The following OPCML variants were observed in gnomAD, a reference collection of about 807,000 sequenced individuals.
OPCML encodes the protein opioid-binding protein/cell adhesion molecule.
Under a neutral mutation model 37.8 loss-of-function variants are expected in OPCML, and 13 were observed. The observed-to-expected ratio is 0.34, with a 90% CI of 0.22 to 0.55. The LOEUF (loss-of-function observed/expected upper bound fraction) is 0.55, where lower values mean the gene tolerates loss of function less well. Ranked by LOEUF, OPCML falls within the 20% of genes least tolerant of loss-of-function variation. The pLI is 0.91. For synonymous variants in OPCML, 176 were observed against 168.8 expected, an observed-to-expected ratio of 1.04 and a Z score of -0.33; for missense variants, 341 against 435.6, an observed-to-expected ratio of 0.78 and a Z score of 1.93.
At chr11:133,483,012 A>T (rs1475439065) in intron 1 of OPCML, among the ~76,000 whole-genome samples, 1 of 152,180 alleles carries the variant, frequency 6.6e-6, no homozygotes, top group Non-Finnish European at 1.5e-5. Flanking sequence ...GTGTCTAAAA[A>T]CTGATATGGC....
chr11:132,936,439 A>C (rs1179545154), intron 2 of OPCML, among the ~76,000 whole-genome samples: 1 of 152,186 alleles, frequency 6.6e-6, no homozygotes, highest in African/African-American at 2.4e-5. Context: ...TGAAAATTAC[A>C]TGACATGTTA....
intron 1 of OPCML, among the ~76,000 whole-genome samples, chr11:133,441,121 A>C (rs1946357706): frequency 1.3e-5 from 2 of 151,960 alleles, no homozygotes; most frequent in Non-Finnish European, 2.9e-5. Context: ...TTATTATCTT[A>C]TATGTTAGCA....
intron 3 of OPCML, among the ~76,000 whole-genome samples, chr11:132,650,429 C>T (rs1437866116): frequency 1.3e-5 from 2 of 152,178 alleles, no homozygotes; most frequent in African/African-American, 4.8e-5. Flanking sequence ...ACTTTCATAT[C>T]ATCAGTTCAA....
chr11:132,457,321 A>T (rs1291353085), intron 4 of OPCML, among the ~76,000 whole-genome samples: 1 of 152,160 alleles, frequency 6.6e-6, no homozygotes, highest in Non-Finnish European at 1.5e-5. Flanking sequence ...CCAATAACAC[A>T]AGTGGTGAGA....
At chr11:133,377,838 A>G (rs1944848261) in intron 1 of OPCML, among the ~76,000 whole-genome samples, 1 of 152,098 alleles carries the variant, frequency 6.6e-6, no homozygotes, top group South Asian at 2.1e-4. Flanking sequence ...AGATGAATAG[A>G]GAGGGAGAGA....
chr11:132,846,934 C>T (rs1224830185), intron 2 of OPCML, among the ~76,000 whole-genome samples: 1 of 152,050 alleles, frequency 6.6e-6, no homozygotes, highest in Non-Finnish European at 1.5e-5. Flanking sequence ...ATATAAGGTC[C>T]CCCCAGTGGA....
intron 1 of OPCML, among the ~76,000 whole-genome samples, chr11:133,290,496 G>A (rs1386287050): frequency 6.6e-6 from 1 of 152,182 alleles, no homozygotes; most frequent in Non-Finnish European, 1.5e-5. Flanking sequence ...GTTGGGGGAT[G>A]GGATGTGATA....
intron 1 of OPCML, chr11:133,003,764 T>G (rs1348204764): frequency 8.1e-6 from 8 of 985,334 alleles, no homozygotes; most frequent in Non-Finnish European, 9.6e-6. Context: ...GGCTGAATTC[T>G]GAGCAGTGGA....
At chr11:132,923,339 C>G (rs1944877083) in intron 2 of OPCML, among the ~76,000 whole-genome samples, 1 of 152,120 alleles carries the variant, frequency 6.6e-6, no homozygotes, top group South Asian at 2.1e-4. Flanking sequence ...ATATCTGAGA[C>G]TGGGTACGGG....
chr11:133,108,702 A>G (rs909803086), intron 1 of OPCML, among the ~76,000 whole-genome samples: 1 of 152,090 alleles, frequency 6.6e-6, no homozygotes, highest in Non-Finnish European at 1.5e-5. Context: ...CTGCAAGTAT[A>G]CCACACTTGC....
chr11:132,617,844 C>A (rs1372903160), intron 3 of OPCML, among the ~76,000 whole-genome samples: 3 of 152,224 alleles, frequency 2.0e-5, no homozygotes, highest in Non-Finnish European at 2.9e-5. Flanking sequence ...AGGCCCTAAC[C>A]TTATGAACCC....
intron 2 of OPCML, among the ~76,000 whole-genome samples, chr11:132,777,217 T>C (rs75375033): frequency 0.011 from 1,612 of 152,294 alleles, 13 homozygotes; most frequent in Middle Eastern, 0.034. Context: ...AAGAGCCCCA[T>C]CCAACTTACT....
intron 3 of OPCML, among the ~76,000 whole-genome samples, chr11:132,586,163 AACAGCT>A (rs2096472174): frequency 6.6e-6 from 1 of 152,134 alleles, no homozygotes; most frequent in African/African-American, 2.4e-5. Context: ...TTTGCCTATT[AACAGCT>A]ACCATAGTCG....
At chr11:132,715,287 T>A (rs12290696) in intron 2 of OPCML, among the ~76,000 whole-genome samples, 4,451 of 152,352 alleles carry the variant, frequency 0.029, 88 homozygotes, top group Non-Finnish European at 0.045. Flanking sequence ...GTACCAAGTG[T>A]CATATTAAAT....
At chr11:133,507,964 T>A (rs895242485) in intron 1 of OPCML, among the ~76,000 whole-genome samples, 1 of 148,226 alleles carries the variant, frequency 6.7e-6, no homozygotes, top group Non-Finnish European at 1.5e-5. Flanking sequence ...AAAAAAAAAA[T>A]CTCAAATGAC....
At chr11:132,868,221 GA>G (rs1942648851) in intron 2 of OPCML, among the ~76,000 whole-genome samples, 1 of 149,218 alleles carries the variant, frequency 6.7e-6, no homozygotes, top group African/African-American at 2.5e-5. Context: ...GTCAAAAATA[GA>G]AATGATGAGA....
rs1170085707 is a variant in OPCML at position 132,486,879 on chromosome 11, T to C, written c.505+42182A>G. Among the ~76,000 whole-genome samples, 10 of 152,322 alleles carry C rather than the reference T, an allele frequency of 6.6e-5. No individual in the cohort carries two copies. In the South Asian group the frequency reaches 1.7e-3, roughly 25 times the overall value. On this transcript the variant is annotated intron_variant, in intron 4 of 7. Transcript: ENST00000524381. ...TTTGAAGCAATTAAAATTTGGGTGGTAACTCATTCTTTTCTTATTTACAAC... is the reference window on the plus strand; with the variant it reads ...TTTGAAGCAATTAAAATTTGGGTGGCAACTCATTCTTTTCTTATTTACAAC...
At chr11:133,289,401 C>T (rs1269899047) in intron 1 of OPCML, among the ~76,000 whole-genome samples, 6 of 151,724 alleles carry the variant, frequency 4.0e-5, no homozygotes, top group South Asian at 2.1e-4. Flanking sequence ...CGAGACCATC[C>T]CGGCTAAAAC....
chr11:133,439,660 G>T (rs1054429568), intron 1 of OPCML, among the ~76,000 whole-genome samples: 1 of 151,366 alleles, frequency 6.6e-6, no homozygotes, highest in African/African-American at 2.4e-5. Flanking sequence ...GTAGAGACGG[G>T]GTTTCACCGT....
Sources: allele counts gnomAD v4.1 joint callset (sites outside exome capture counted in the v4.1 genomes callset), GRCh38; gene constraint gnomAD v4.1.1; transcripts MANE v1.5; gene names NCBI Gene and HGNC (gene_info 2026-07-23, HGNC 2026-07-21).